DGCR2: variants seen among roughly 807,000 people sequenced by gnomAD.
The protein encoded by DGCR2 is integral membrane protein DGCR2/IDD.
A neutral mutation model predicts 51.6 loss-of-function variants in DGCR2; 24 were observed. That is an observed-to-expected ratio of 0.47 (90% CI 0.34 to 0.65). DGCR2 has a LOEUF of 0.65. DGCR2 is among the 30% of genes least tolerant of loss of function. The probability of loss-of-function intolerance (pLI) is 0.01; values close to 1 mark genes in which losing one functional copy is unlikely to be tolerated. For missense variants in DGCR2, 765 were observed against 772.1 expected (o/e 0.99, Z 0.11); for synonymous variants, 340 against 315.4 (o/e 1.08, Z -0.82).
intron 1 of DGCR2, among the ~76,000 whole-genome samples, chr22:19,109,160 T>C (rs111330742): frequency 0.09 from 13,673 of 152,250 alleles, 721 homozygotes; most frequent in Middle Eastern, 0.15. Flanking sequence ...GGCAATGATG[T>C]GAAGAAATCA....
intron 8 of DGCR2, 41 bp downstream of exon 8, chr22:19,041,766 G>A (rs756740093): frequency 6.3e-7 from 1 of 1,594,160 alleles, no homozygotes; most frequent in Admixed American, 1.7e-5. Flanking sequence ...GACCTGGGGT[G>A]GGGATGGGGA....
intron 5 of DGCR2, chr22:19,060,854 G>A (rs758547760): frequency 1.9e-6 from 1 of 515,974 alleles, no homozygotes; most frequent in African/African-American, 1.9e-5. Flanking sequence ...AGGCGCACAG[G>A]AACCCTGCGG....
intron 2 of DGCR2, among the ~76,000 whole-genome samples, chr22:19,083,692 C>T (rs1306977147): frequency 1.2e-5 from 1 of 80,298 alleles, no homozygotes; most frequent in East Asian, 3.9e-4. Flanking sequence ...CTCTCCCTCT[C>T]CCCCCTCCCC....
intron 1 of DGCR2, among the ~76,000 whole-genome samples, chr22:19,105,618 G>T (rs998969795): frequency 6.6e-6 from 1 of 152,140 alleles, no homozygotes; most frequent in Non-Finnish European, 1.5e-5. Context: ...AGGGACTTCG[G>T]GACCAGATAG....
At chr22:19,083,500 T>C (rs953232011) in intron 2 of DGCR2, among the ~76,000 whole-genome samples, 5 of 152,242 alleles carry the variant, frequency 3.3e-5, no homozygotes, top group African/African-American at 1.2e-4. Flanking sequence ...GCTTTAAAGA[T>C]GCACTGAATC....
chr22:19,042,038 G>A (rs2082438850), intron 7 of DGCR2, 79 bp from the exon 8 acceptor site: 1 of 1,501,106 alleles, frequency 6.7e-7, no homozygotes, highest in Non-Finnish European at 8.9e-7. Context: ...TCGTCCTCCT[G>A]CCCAGGCGGG....
intron 1 of DGCR2, among the ~76,000 whole-genome samples, chr22:19,090,414 C>T (rs2800980): frequency 0.43 from 65,343 of 151,950 alleles, 14,388 homozygotes; most frequent in African/African-American, 0.53. Context: ...CGATAAAATC[C>T]TAAAAGCAGG....
chr22:19,050,788 T>C (rs1273576301), intron 6 of DGCR2, among the ~76,000 whole-genome samples: 3 of 152,140 alleles, frequency 2.0e-5, no homozygotes. Flanking sequence ...TCGAAACATG[T>C]CCTAGACTTA....
intron 1 of DGCR2, among the ~76,000 whole-genome samples, chr22:19,097,843 A>C (rs903660729): frequency 4.6e-5 from 7 of 152,132 alleles, no homozygotes; most frequent in African/African-American, 1.7e-4. Context: ...GGCTAGCCAG[A>C]CTGAGACAGT....
intron 1 of DGCR2, among the ~76,000 whole-genome samples, chr22:19,110,636 T>TA (rs5844372): frequency 0.44 from 64,302 of 146,016 alleles, 14,242 homozygotes; most frequent in African/African-American, 0.56. Context: ...AAAATTAAAT[T>TA]AAAAAAAAAA....
rs561001558 is a variant in DGCR2 at position 19,109,648 on chromosome 22, T to C, written c.79+12480A>G. Among the ~76,000 whole-genome samples the C allele has an allele frequency of 2.0e-5, 3 of 152,300 alleles. No individual in the cohort carries two copies. In the South Asian group the frequency reaches 6.2e-4, roughly 32 times the overall value. On this transcript the variant is annotated intron_variant, in intron 1 of 9. Coordinates refer to ENST00000263196, the MANE Select transcript of DGCR2 (RefSeq NM_005137.3). Reference sequence around the variant, plus strand: ...ATAAAAGGGAGGGGTAGTTACTCAATAGGTACTGAGTTTCAGTTTTGCAAG... The same window carrying C: ...ATAAAAGGGAGGGGTAGTTACTCAACAGGTACTGAGTTTCAGTTTTGCAAG...
At chr22:19,060,903 G>A (rs753243078) in intron 5 of DGCR2, 9 of 513,606 alleles carry the variant, frequency 1.8e-5, no homozygotes, top group East Asian at 5.5e-5. Context: ...GCAGGGTACC[G>A]ACACATGGGC....
At chr22:19,074,817 T>A (rs1006627912) in intron 2 of DGCR2, among the ~76,000 whole-genome samples, 1 of 152,204 alleles carries the variant, frequency 6.6e-6, no homozygotes, top group African/African-American at 2.4e-5. Context: ...ACCTTTTTTT[T>A]ACATCGGAGC....
At chr22:19,062,776 C>CTGTCTCTGTCTCTCTG (rs1555903878) in intron 5 of DGCR2, among the ~76,000 whole-genome samples, 13 of 123,324 alleles carry the variant, frequency 1.1e-4, no homozygotes, top group Admixed American at 4.1e-4. Flanking sequence ...CACATGCATG[C>CTGTCTCTGTCTCTCTG]TCACTCTCTC....
intron 7 of DGCR2, chr22:19,048,184 T>C (rs2240102): frequency 0.39 from 212,100 of 550,040 alleles, 42,350 homozygotes; most frequent in African/African-American, 0.53. Context: ...CAGCCACACT[T>C]GAGTTCAAGT....
Position 19,122,149 on chromosome 22 carries a change from CAGTG to C in DGCR2, c.54_57del (p.Thr19SerfsTer50). 1 of 1,506,202 alleles carries C rather than the reference CAGTG, an allele frequency of 6.6e-7. No homozygotes were observed. Among genetic ancestry groups the C allele is most frequent in the Non-Finnish European group, 8.9e-7 (1 of 1,127,292 alleles). The allele number at this position is 1,506,202 out of a possible 1,614,324, so 93.3% of individuals were successfully genotyped here. On this transcript the variant is annotated frameshift_variant, in exon 1 of 10. Transcript: ENST00000263196. LOFTEE classifies it high-confidence loss of function. ...GCACCTGGCCGCAGCGGCTCGGTGA[CAGTG>C]AGCACGAGCAGGAAGAGCAGCAGGA...
In DGCR2 at chr22:19,038,722, T is replaced by C; in HGVS notation, c.*143A>G. Reference sequence around the variant, plus strand: ...TTGGCAGAAGGCGGGCTGTGGTCTCTATGTACACACGCGAGCCCGCCAGTG... The same window carrying C: ...TTGGCAGAAGGCGGGCTGTGGTCTCCATGTACACACGCGAGCCCGCCAGTG... On this transcript the variant is annotated 3_prime_UTR_variant, in exon 10 of 10. Coordinates refer to ENST00000263196, the MANE Select transcript of DGCR2 (RefSeq NM_005137.3). 1 of 1,161,024 alleles carries C rather than the reference T, an allele frequency of 8.6e-7. No homozygotes were observed. Among genetic ancestry groups the C allele is most frequent in the African/African-American group, 1.5e-5 (1 of 65,166 alleles). 71.9% of individuals were successfully genotyped at this position (1,161,024 alleles called of 1,614,324 possible).
intron 1 of DGCR2, among the ~76,000 whole-genome samples, chr22:19,111,081 C>T (rs2083309236): frequency 6.6e-6 from 1 of 152,114 alleles, no homozygotes; most frequent in South Asian, 2.1e-4. Context: ...AGAAGTAATA[C>T]ATCCACACGG....
At chr22:19,097,941 C>G (rs2083159958) in intron 1 of DGCR2, among the ~76,000 whole-genome samples, 1 of 152,138 alleles carries the variant, frequency 6.6e-6, no homozygotes, top group East Asian at 1.9e-4. Flanking sequence ...CCTTCACAGT[C>G]CCATGACCCC....
Sources: gnomAD v4.1 joint callset for allele counts (sites outside exome capture counted in the v4.1 genomes callset) on GRCh38, gnomAD v4.1.1 for gene constraint, MANE v1.5 for transcripts, NCBI Gene and HGNC (gene_info 2026-07-23, HGNC 2026-07-21) for gene names.